Variants in SPMIP6 observed in about 807,000 individuals in gnomAD.
SPMIP6 encodes sperm microtubule inner protein 6.
At chr9:34,381,534 A>C in the SPMIP6 span, 1 of 1,577,318 alleles carries the variant, frequency 6.3e-7, no homozygotes, top group Non-Finnish European at 8.6e-7. The surrounding 1 kb of genome is among the most constrained non-coding windows in gnomAD (Gnocchi z 4.4). Context: ...ACCTATCGCC[A>C]CGCCGCAACT....
chr9:34,393,746 A>G, the SPMIP6 span, among the ~76,000 whole-genome samples: 1 of 151,820 alleles, frequency 6.6e-6, no homozygotes, highest in East Asian at 1.9e-4. Flanking sequence ...ATATCATTTA[A>G]TGTTTCTTTC....
the SPMIP6 span, chr9:34,379,528 G>T: frequency 2.2e-6 from 2 of 891,950 alleles, no homozygotes; most frequent in Admixed American, 1.9e-5. This position sits in a 1 kb window ranked among gnomAD's most constrained non-coding sequence, Gnocchi z 4.2. Flanking sequence ...CTCGTGGTAT[G>T]TGCCTGTCAG....
At chr9:34,388,179 C>G in the SPMIP6 span, among the ~76,000 whole-genome samples, 2 of 149,690 alleles carry the variant, frequency 1.3e-5, no homozygotes, top group Admixed American at 1.3e-4. Context: ...TCGCTCTTCT[C>G]ACCCAGGCTG....
At chr9:34,379,200 C>A in the SPMIP6 span, 1 of 1,511,734 alleles carries the variant, frequency 6.6e-7, no homozygotes, top group South Asian at 1.1e-5. The surrounding 1 kb of genome is among the most constrained non-coding windows in gnomAD (Gnocchi z 4.2). Flanking sequence ...AGAGATGGGT[C>A]AGCCGTTTTG....
At chr9:34,382,756 T>C in the SPMIP6 span, 1 of 1,611,848 alleles carries the variant, frequency 6.2e-7, no homozygotes, top group Non-Finnish European at 8.5e-7. Flanking sequence ...ACAGATACCT[T>C]AGGCAGCCGA....
chr9:34,385,815 G>A, the SPMIP6 span: 23 of 1,599,118 alleles, frequency 1.4e-5, no homozygotes, highest in East Asian at 4.7e-4. Context: ...GTGGTTAGGG[G>A]CACAGAGACC....
chr9:34,388,403 C>T, the SPMIP6 span, among the ~76,000 whole-genome samples: 2 of 151,796 alleles, frequency 1.3e-5, no homozygotes, highest in South Asian at 4.2e-4. Context: ...CCACCCACCT[C>T]AGCCTTCCAA....
the SPMIP6 span, chr9:34,379,583 C>CA: frequency 6.9e-7 from 1 of 1,443,366 alleles, no homozygotes. This position sits in a 1 kb window ranked among gnomAD's most constrained non-coding sequence, Gnocchi z 4.2. Flanking sequence ...CATCCTCCCC[C>CA]AGCCCCGCCT....
chr9:34,382,009 T>C, the SPMIP6 span, among the ~76,000 whole-genome samples: 1 of 152,150 alleles, frequency 6.6e-6, no homozygotes, highest in Admixed American at 6.6e-5. Context: ...AGCCTTAGTC[T>C]TTCTCCTTCC....
At chr9:34,382,325 G>A in the SPMIP6 span, among the ~76,000 whole-genome samples, 2 of 152,112 alleles carry the variant, frequency 1.3e-5, no homozygotes, top group Non-Finnish European at 2.9e-5. Flanking sequence ...GGCTCATGCC[G>A]GTAATCCCAG....
chr9:34,392,722 G>A, the SPMIP6 span, among the ~76,000 whole-genome samples: 32 of 152,306 alleles, frequency 2.1e-4, no homozygotes, highest in African/African-American at 6.7e-4. This position sits in a 1 kb window ranked among gnomAD's most constrained non-coding sequence, Gnocchi z 4.6. Context: ...TGGACATGAA[G>A]TGGGGAAGAG....
At chr9:34,380,988 A>G in the SPMIP6 span, 1 of 1,609,536 alleles carries the variant, frequency 6.2e-7, no homozygotes, top group Non-Finnish European at 8.5e-7. Context: ...CGCAGACAGT[A>G]GTGGCGGCCC....
At chr9:34,384,768 C>T in the SPMIP6 span, among the ~76,000 whole-genome samples, 1 of 152,100 alleles carries the variant, frequency 6.6e-6, no homozygotes, top group Non-Finnish European at 1.5e-5. Context: ...ATATTATATC[C>T]AAGCAAATGA....
At chr9:34,392,981 A>G in the SPMIP6 span, among the ~76,000 whole-genome samples, 1 of 152,246 alleles carries the variant, frequency 6.6e-6, no homozygotes. This position sits in a 1 kb window ranked among gnomAD's most constrained non-coding sequence, Gnocchi z 4.6. Context: ...ATAAGGTGCC[A>G]CAGTGCTTGG....
the SPMIP6 span, chr9:34,381,305 C>G: frequency 6.2e-7 from 1 of 1,608,628 alleles, no homozygotes; most frequent in African/African-American, 1.3e-5. This position sits in a 1 kb window ranked among gnomAD's most constrained non-coding sequence, Gnocchi z 4.4. Context: ...CCATCCCGCC[C>G]TCCTCCCGGC....
At chr9:34,389,427 T>C in the SPMIP6 span, among the ~76,000 whole-genome samples, 1 of 152,250 alleles carries the variant, frequency 6.6e-6, no homozygotes, top group Admixed American at 6.5e-5. Flanking sequence ...GTTACAGCTA[T>C]TTCTTGAACT....
At chr9:34,379,254 G>T in the SPMIP6 span, 1 of 903,746 alleles carries the variant, frequency 1.1e-6, no homozygotes, top group Non-Finnish European at 1.8e-6. The surrounding 1 kb of genome is among the most constrained non-coding windows in gnomAD (Gnocchi z 4.2). Context: ...AGTTTGCAAT[G>T]CTAACCTTAT....
At chr9:34,380,833 CG>C in the SPMIP6 span, 3 of 608,796 alleles carry the variant, frequency 4.9e-6, no homozygotes, top group Admixed American at 9.8e-5. Context: ...TGGAAGGGGG[CG>C]GGGTTCTGGG....
chr9:34,385,931 C>T, the SPMIP6 span: 1 of 697,780 alleles, frequency 1.4e-6, no homozygotes, highest in Non-Finnish European at 2.4e-6. Context: ...CCCATGCTAG[C>T]CTTGGCTCCT....
Sources: gnomAD v4.1 joint callset for allele counts (sites outside exome capture counted in the v4.1 genomes callset) on GRCh38, gnomAD v4.1.1 for gene constraint, Gnocchi (gnomAD v3.1) non-coding constraint, MANE v1.5 for transcripts, NCBI Gene and HGNC (gene_info 2026-07-23, HGNC 2026-07-21) for gene names.